Variants in PIP5K1A observed in about 807,000 individuals in gnomAD.
PIP5K1A encodes phosphatidylinositol-4-phosphate 5-kinase type 1 alpha.
A neutral mutation model predicts 72.9 loss-of-function variants in PIP5K1A; 46 were observed. The ratio of observed to expected loss-of-function variants is 0.63; its 90% CI spans 0.50 to 0.81. The LOEUF is 0.81. Among genes scored for constraint, PIP5K1A ranks in the 30% least tolerant of loss-of-function variants. PIP5K1A has a pLI of 0.00. For synonymous variants in PIP5K1A, 228 were observed against 255.1 expected, an observed-to-expected ratio of 0.89 and a Z score of 1.01; for missense variants, 458 against 706.1, an observed-to-expected ratio of 0.65 and a Z score of 3.98.
chr1:151,239,236 T>C (rs1570986604), intron 11 of PIP5K1A, 58 bp downstream of exon 11: 4 of 1,088,034 alleles, frequency 3.7e-6, no homozygotes, highest in Non-Finnish European at 5.5e-6. Context: ...TCACTTCTGA[T>C]TGGCCTCAGT....
At chr1:151,247,703 T>C (rs1012748914) in intron 15 of PIP5K1A, among the ~76,000 whole-genome samples, 160 bp from the exon 16 acceptor site, 2 of 152,192 alleles carry the variant, frequency 1.3e-5, no homozygotes, top group African/African-American at 4.8e-5. Context: ...GGATTACAGG[T>C]GTGAGCCACC....
intron 1 of PIP5K1A, among the ~76,000 whole-genome samples, chr1:151,208,509 C>T (rs1686286739): frequency 6.6e-6 from 1 of 150,714 alleles, no homozygotes; most frequent in African/African-American, 2.4e-5. Context: ...TACAGGCGCA[C>T]ACCACCACGC....
intron 1 of PIP5K1A, among the ~76,000 whole-genome samples, chr1:151,222,993 A>G (rs1688599585): frequency 6.6e-6 from 1 of 152,060 alleles, no homozygotes; most frequent in Non-Finnish European, 1.5e-5. Flanking sequence ...AGGCAGGTGG[A>G]TCACGAGGTC....
intron 8 of PIP5K1A, among the ~76,000 whole-genome samples, chr1:151,235,968 A>C (rs370433582): frequency 5.5e-4 from 83 of 151,788 alleles, no homozygotes; most frequent in African/African-American, 1.9e-3. Flanking sequence ...TAAAAATACA[A>C]AAATTAGCTG....
chr1:151,241,079 C>T (rs1691614728), intron 12 of PIP5K1A, among the ~76,000 whole-genome samples: 2 of 152,106 alleles, frequency 1.3e-5, no homozygotes, highest in African/African-American at 2.4e-5. Context: ...AGGAGAATCA[C>T]TTGAACACGG....
chr1:151,212,889 T>C (rs1404529556), intron 1 of PIP5K1A, among the ~76,000 whole-genome samples: 1 of 148,326 alleles, frequency 6.7e-6, no homozygotes, highest in Non-Finnish European at 1.5e-5. Flanking sequence ...GCCTTTTTTT[T>C]TTTTTTTTTT....
At chr1:151,206,554 C>G (rs985065705) in intron 1 of PIP5K1A, among the ~76,000 whole-genome samples, 2 of 151,876 alleles carry the variant, frequency 1.3e-5, no homozygotes, top group African/African-American at 4.8e-5. Context: ...TATATTAATA[C>G]TTTTTTTGTT....
Position 151,209,068 on chromosome 1 carries a change from T to C in PIP5K1A, c.85+9987T>C, listed in dbSNP as rs1558241069. ...TTTTGAACACACTTCCTTAGAGCTA[T>C]GTGTTCAGCAGTACTTCTCAGGAGG... On this transcript the variant is annotated intron_variant, in intron 1 of 15. Coordinates refer to ENST00000368888, the MANE Select transcript of PIP5K1A (RefSeq NM_001135638.2). Among the ~76,000 whole-genome samples the C allele has an allele frequency of 1.3e-5, 2 of 151,084 alleles. 1 individual carries two copies. The highest frequency in any genetic ancestry group is 4.2e-4 in the South Asian group (2 of 4,758).
intron 1 of PIP5K1A, among the ~76,000 whole-genome samples, chr1:151,200,155 T>G (rs1234229526): frequency 3.3e-5 from 5 of 150,100 alleles, no homozygotes; most frequent in African/African-American, 1.2e-4. Flanking sequence ...GAAGTGATGT[T>G]TTGGAAATTA....
intron 1 of PIP5K1A, among the ~76,000 whole-genome samples, chr1:151,222,743 C>T (rs1688553855): frequency 6.6e-6 from 1 of 152,128 alleles, no homozygotes; most frequent in African/African-American, 2.4e-5. Context: ...ATACAGAGTA[C>T]CTCATTGAGA....
chr1:151,231,912 A>T, intron 5 of PIP5K1A, 111 bp downstream of exon 5: 1 of 989,096 alleles, frequency 1.0e-6, no homozygotes. Context: ...TCCATTTCTT[A>T]ACCTGGTTAC....
intron 1 of PIP5K1A, among the ~76,000 whole-genome samples, chr1:151,217,696 C>T (rs1478127195): frequency 6.6e-6 from 1 of 152,216 alleles, no homozygotes; most frequent in Non-Finnish European, 1.5e-5. Context: ...ATCTTCCCAC[C>T]TCAGCCTCAC....
At chr1:151,247,042 T>C in intron 15 of PIP5K1A, 77 bp downstream of exon 15, 1 of 944,574 alleles carries the variant, frequency 1.1e-6, no homozygotes, top group Non-Finnish European at 1.6e-6. Flanking sequence ...GAGCAGGAAG[T>C]TAATTGTCAA....
intron 1 of PIP5K1A, among the ~76,000 whole-genome samples, chr1:151,207,284 A>T (rs918090903): frequency 4.6e-5 from 7 of 152,224 alleles, no homozygotes; most frequent in Non-Finnish European, 4.4e-5. Flanking sequence ...CCTCTTGGCC[A>T]TGGGTAGCTT....
chr1:151,246,893 C>A, intron 14 of PIP5K1A, 27 bp from the exon 15 acceptor site: 1 of 1,588,524 alleles, frequency 6.3e-7, no homozygotes, highest in Admixed American at 1.7e-5. Context: ...CTTTTTCTCT[C>A]TGCTTCCATT....
At chr1:151,206,919 G>A (rs1298272980) in intron 1 of PIP5K1A, among the ~76,000 whole-genome samples, 4 of 151,850 alleles carry the variant, frequency 2.6e-5, no homozygotes, top group African/African-American at 4.8e-5. Context: ...GGCTGGTCTC[G>A]AACTTCTGAC....
chr1:151,240,161 A>G, intron 12 of PIP5K1A, 122 bp downstream of exon 12: 1 of 718,156 alleles, frequency 1.4e-6, no homozygotes, highest in African/African-American at 1.8e-5. Flanking sequence ...CCTTCCACCT[A>G]CATCCCATGA....
At chr1:151,200,977 C>G (rs1386177258) in intron 1 of PIP5K1A, among the ~76,000 whole-genome samples, 1 of 151,958 alleles carries the variant, frequency 6.6e-6, no homozygotes, top group African/African-American at 2.4e-5. Flanking sequence ...CTACAGGCGC[C>G]CACCACCACG....
At chr1:151,207,660 T>G (rs1192555206) in intron 1 of PIP5K1A, among the ~76,000 whole-genome samples, 1 of 151,454 alleles carries the variant, frequency 6.6e-6, no homozygotes, top group Non-Finnish European at 1.5e-5. Context: ...GCCTCCCAAG[T>G]AGCTGGGATT....
Sources: gnomAD v4.1 joint callset for allele counts (sites outside exome capture counted in the v4.1 genomes callset) on GRCh38, gnomAD v4.1.1 for gene constraint, MANE v1.5 for transcripts, NCBI Gene and HGNC (gene_info 2026-07-23, HGNC 2026-07-21) for gene names.